OR4K1: variants seen among roughly 807,000 people sequenced by gnomAD.
OR4K1 encodes the protein olfactory receptor family 4 subfamily K member 1.
Under a neutral mutation model 14.4 loss-of-function variants are expected in OR4K1, and 16 were observed. The ratio of observed to expected loss-of-function variants is 1.11; its 90% CI spans 0.75 to 1.68. The LOEUF is 1.68. OR4K1 is among the 40% of genes most tolerant of loss of function. The pLI, the probability that OR4K1 is intolerant of heterozygous loss-of-function variation, is 0.00. For missense variants in OR4K1, 548 were observed against 376.9 expected, an observed-to-expected ratio of 1.45 and a Z score of -3.76; for synonymous variants, 181 against 133.1, an observed-to-expected ratio of 1.36 and a Z score of -2.48.
upstream of OR4K1, among the ~76,000 whole-genome samples, chr14:19,929,392 TGTGTG>T (rs1882135101): frequency 6.9e-6 from 1 of 144,020 alleles, no homozygotes; most frequent in East Asian, 2.1e-4. Flanking sequence ...TGTGTGTGTG[TGTGTG>T]TGTGTGTGCG....
chr14:19,920,874 G>A, the OR4K1 span: 91 of 1,614,008 alleles, frequency 5.6e-5, no homozygotes, highest in Middle Eastern at 1.6e-4. Context: ...GAGTGCACAC[G>A]AGACCATATC....
chr14:19,924,926 A>G, the OR4K1 span, among the ~76,000 whole-genome samples: 1 of 152,242 alleles, frequency 6.6e-6, no homozygotes, highest in Non-Finnish European at 1.5e-5. Context: ...TATGTACTGT[A>G]GAATCCCACC....
Position 19,935,687 on chromosome 14 carries a change from G to A in OR4K1, c.21G>A (p.Ser7=), listed in dbSNP as rs752575639. The A allele has an allele frequency of 5.6e-6, 9 of 1,601,742 alleles. No individual in the cohort carries two copies. The highest frequency in any genetic ancestry group is 4.1e-5 in the African/African-American group (3 of 73,940). The change falls in exon 2 of 2, where the codon TCG becomes TCA. Residue 7 remains serine, a synonymous_variant. Transcript: ENST00000641172. The part of the protein sequence containing the change: MAHTNE[S]MVSEFVLLGL... ...GATACATGGCTCACACAAATGAATC[G>A]ATGGTGTCTGAGTTTGTACTTTTGG...
At chr14:19,921,517 A>T in the OR4K1 span, 6 of 1,613,900 alleles carry the variant, frequency 3.7e-6, no homozygotes, top group Non-Finnish European at 5.1e-6. Flanking sequence ...ATTGTGAACC[A>T]TTACCTGAGG....
At chr14:19,920,566 T>A in the OR4K1 span, 7 of 1,542,670 alleles carry the variant, frequency 4.5e-6, no homozygotes, top group Non-Finnish European at 6.1e-6. Flanking sequence ...CTATTTATCC[T>A]CCTTTAGAGT....
intron 1 of OR4K1, 159 bp from the exon 2 acceptor site, chr14:19,935,489 T>G: frequency 1.7e-6 from 1 of 593,224 alleles, no homozygotes; most frequent in Non-Finnish European, 2.8e-6. Flanking sequence ...GTCATGGATG[T>G]TAAATATTAG....
chr14:19,920,579 T>C, the OR4K1 span: 1 of 1,571,368 alleles, frequency 6.4e-7, no homozygotes, highest in Non-Finnish European at 8.6e-7. Context: ...TTTAGAGTTG[T>C]TTCAGAACAA....
chr14:19,935,900 C>G lies in OR4K1; in HGVS notation c.234C>G (p.Thr78=). Residue 78 remains threonine, a synonymous_variant, in exon 2 of 2, where the codon ACC becomes ACG. Transcript: ENST00000641172. ...FIDICQSNFA[T]PKMLVDFFIE... ...ATATCTGTCAGTCTAACTTTGCCACCCCCAAGATGCTTGTAGACTTTTTTA... is the reference window on the plus strand; with the variant it reads ...ATATCTGTCAGTCTAACTTTGCCACGCCCAAGATGCTTGTAGACTTTTTTA... 6.2e-7 allele frequency: 1 copy of G among 1,614,248 alleles called. No homozygotes were observed. Among genetic ancestry groups the G allele is most frequent in the Non-Finnish European group, 8.5e-7 (1 of 1,180,048 alleles).
intron 1 of OR4K1, among the ~76,000 whole-genome samples, chr14:19,934,329 C>T (rs1882254676): frequency 6.6e-6 from 1 of 152,230 alleles, no homozygotes; most frequent in African/African-American, 2.4e-5. Flanking sequence ...GTTAACTTTT[C>T]TGAGAATGTC....
At chr14:19,934,682 T>TA (rs1371641167) in intron 1 of OR4K1, among the ~76,000 whole-genome samples, 1 of 152,198 alleles carries the variant, frequency 6.6e-6, no homozygotes, top group East Asian at 1.9e-4. Context: ...AACATTTTTT[T>TA]TTTTTGAGAC....
At chr14:19,921,410 T>A in the OR4K1 span, 3 of 1,614,056 alleles carry the variant, frequency 1.9e-6, no homozygotes, top group African/African-American at 2.7e-5. Context: ...CTCCTTTGGA[T>A]AAATTTCTTG....
upstream of OR4K1, among the ~76,000 whole-genome samples, chr14:19,930,484 T>C (rs1005867397): frequency 6.6e-5 from 10 of 152,350 alleles, no homozygotes; most frequent in Admixed American, 6.5e-4. Flanking sequence ...CTAATAGATT[T>C]ACTCTTTAAA....
At chr14:19,923,505 T>A in the OR4K1 span, among the ~76,000 whole-genome samples, 5 of 152,230 alleles carry the variant, frequency 3.3e-5, no homozygotes. Context: ...AAGATATTTA[T>A]TATATTCATT....
the OR4K1 span, among the ~76,000 whole-genome samples, chr14:19,925,759 T>C: frequency 6.6e-6 from 1 of 152,262 alleles, no homozygotes; most frequent in Non-Finnish European, 1.5e-5. Context: ...GTGTCATGGC[T>C]CGTGGGGAGA....
chr14:19,925,090 ATAGACTTTCCCTGCACTGCTGACAAATT>A, the OR4K1 span, among the ~76,000 whole-genome samples: 5 of 152,220 alleles, frequency 3.3e-5, no homozygotes, highest in Admixed American at 3.3e-4. Context: ...TACAGATCCT[ATAGACTTTCCCTGCACTGCTGACAAATT>A]GACAGAGAAA....
the OR4K1 span, among the ~76,000 whole-genome samples, chr14:19,924,602 G>A: frequency 6.6e-6 from 1 of 152,142 alleles, no homozygotes; most frequent in African/African-American, 2.4e-5. Flanking sequence ...TGGTGAGAGT[G>A]TAAATTAGTT....
the OR4K1 span, among the ~76,000 whole-genome samples, chr14:19,923,804 C>G: frequency 4.5e-3 from 686 of 152,214 alleles, no homozygotes; most frequent in African/African-American, 0.015. Context: ...GATGTCAGTT[C>G]TCTCTTAGGG....
intron 1 of OR4K1, among the ~76,000 whole-genome samples, chr14:19,932,081 T>G (rs914884537): frequency 2.0e-5 from 3 of 152,222 alleles, no homozygotes; most frequent in African/African-American, 7.2e-5. Context: ...TAAAAAATCA[T>G]AGGAAGTTAG....
intron 1 of OR4K1, chr14:19,931,433 T>C (rs1424474957): frequency 6.6e-6 from 1 of 152,326 alleles, no homozygotes; most frequent in Non-Finnish European, 1.5e-5. Flanking sequence ...CTCTGACCCA[T>C]TTATGCTTTC....
Sources: allele counts gnomAD v4.1 joint callset (sites outside exome capture counted in the v4.1 genomes callset), GRCh38; gene constraint gnomAD v4.1.1; transcripts MANE v1.5; gene names NCBI Gene and HGNC (gene_info 2026-07-23, HGNC 2026-07-21).